The following PPAT variants were observed in gnomAD, a reference collection of about 807,000 sequenced individuals.
PPAT encodes amidophosphoribosyltransferase.
A neutral mutation model predicts 60.2 loss-of-function variants in PPAT; 20 were observed. The ratio of observed to expected loss-of-function variants is 0.33; its 90% CI spans 0.23 to 0.48. The LOEUF (loss-of-function observed/expected upper bound fraction) is 0.48, where lower values mean the gene tolerates loss of function less well. Among genes scored for constraint, PPAT ranks in the 20% least tolerant of loss-of-function variants. The pLI is 0.99. For missense variants in PPAT, 349 were observed against 629.6 expected, an observed-to-expected ratio of 0.55 and a Z score of 4.77; for synonymous variants, 194 against 215.1, an observed-to-expected ratio of 0.90 and a Z score of 0.86.
chr4:56,410,727 G>T (rs1716409830), intron 1 of PPAT: 4 of 986,592 alleles, frequency 4.1e-6, no homozygotes, highest in Non-Finnish European at 4.8e-6. Flanking sequence ...TATGAATATA[G>T]AACAGTTAAA....
At chr4:56,407,356 T>C (rs1716267420) in intron 2 of PPAT, among the ~76,000 whole-genome samples, 2 of 152,030 alleles carry the variant, frequency 1.3e-5, no homozygotes, top group Admixed American at 1.3e-4. Flanking sequence ...TTCACTCTTG[T>C]TGCCCAGGCT....
chr4:56,407,175 C>T (rs1469961070), intron 2 of PPAT, among the ~76,000 whole-genome samples: 2 of 152,122 alleles, frequency 1.3e-5, no homozygotes, highest in Non-Finnish European at 2.9e-5. Flanking sequence ...GAAATACATC[C>T]TAATTTGACA....
intron 1 of PPAT, chr4:56,414,245 TG>T (rs1249375021): frequency 6.6e-6 from 1 of 152,222 alleles, no homozygotes; most frequent in African/African-American, 2.4e-5. Flanking sequence ...TTTTTATTGG[TG>T]TGTGATACAC....
intron 1 of PPAT, among the ~76,000 whole-genome samples, chr4:56,413,917 A>C (rs886880324): frequency 6.6e-6 from 1 of 152,198 alleles, no homozygotes; most frequent in Non-Finnish European, 1.5e-5. Flanking sequence ...AAATTAAATA[A>C]ATAATTAACG....
chr4:56,433,398 A>T (rs63349560), intron 1 of PPAT, among the ~76,000 whole-genome samples: 1 of 33,404 alleles, frequency 3.0e-5, no homozygotes, highest in Non-Finnish European at 6.6e-5. Flanking sequence ...GGTATTCATT[A>T]AAAAAAAAAA....
intron 1 of PPAT, among the ~76,000 whole-genome samples, chr4:56,411,696 CCATGGGCAAAG>C (rs1410770112): frequency 6.6e-6 from 1 of 152,148 alleles, no homozygotes; most frequent in African/African-American, 2.4e-5. Context: ...TCTGTGTGTA[CCATGGGCAAAG>C]CACTAAGTTA....
chr4:56,429,047 A>G, intron 1 of PPAT: 1 of 575,912 alleles, frequency 1.7e-6, no homozygotes, highest in Non-Finnish European at 2.2e-6. Context: ...CACAGTGGAA[A>G]CAACTTGTTG....
chr4:56,432,799 A>G (rs1215442117), intron 1 of PPAT, among the ~76,000 whole-genome samples: 2 of 147,486 alleles, frequency 1.4e-5, no homozygotes, highest in Admixed American at 6.9e-5. Context: ...AAAAAAAAAA[A>G]AAAATCAAGA....
Position 56,410,874 on chromosome 4 carries a change from G to A in PPAT, c.129-3158C>T, listed in dbSNP as rs1048822610. ...AGGTACCTGGAAACGCTCAGCCCAAGTACAGCCCCAGAGACCACTGAAGGT... is the reference window on the plus strand; with the variant it reads ...AGGTACCTGGAAACGCTCAGCCCAAATACAGCCCCAGAGACCACTGAAGGT... On this transcript the variant is annotated intron_variant, in intron 1 of 10. Coordinates refer to ENST00000264220, the MANE Select transcript of PPAT (RefSeq NM_002703.5). 4 of 644,362 alleles carry A rather than the reference G, an allele frequency of 6.2e-6. No individual in the cohort carries two copies. In the African/African-American group the frequency reaches 8.1e-5, roughly 13 times the overall value. 39.9% of individuals were successfully genotyped at this position (644,362 alleles called of 1,614,324 possible).
chr4:56,401,503 A>C (rs753558184), intron 6 of PPAT, 22 bp from the exon 7 acceptor site: 6 of 1,567,200 alleles, frequency 3.8e-6, no homozygotes, highest in Non-Finnish European at 4.3e-6. Context: ...ATGTTAAAGA[A>C]AGAAGACTTT....
At chr4:56,417,939 A>G (rs1578128417) in intron 1 of PPAT, among the ~76,000 whole-genome samples, 1 of 150,476 alleles carries the variant, frequency 6.6e-6, no homozygotes, top group Non-Finnish European at 1.5e-5. Flanking sequence ...TCCCAGGTTC[A>G]AGCGATTCTC....
Position 56,396,799 on chromosome 4 carries a change from C to A in PPAT, c.1237-60G>T. 6.7e-7 allele frequency: 1 copy of A among 1,502,392 alleles called. No homozygotes were observed. The allele number at this position is 1,502,392 out of a possible 1,614,324, so 93.1% of individuals were successfully genotyped here. On this transcript the variant is annotated intron_variant, in intron 9 of 10. Coordinates refer to ENST00000264220, the MANE Select transcript of PPAT (RefSeq NM_002703.5). The surrounding 1 kb of genome is among the most constrained non-coding windows in gnomAD (Gnocchi z 4.6). ...GACTATGCAAAATTCTTTCATTGTG[C>A]AAATACAATACAAAATTGTTTTGCA...
chr4:56,406,482 C>T lies in PPAT; in HGVS notation c.402+13G>A. 1.2e-6 allele frequency: 2 copies of T among 1,606,580 alleles called. No individual in the cohort carries two copies. Among genetic ancestry groups the T allele is most frequent in the Non-Finnish European group, 1.7e-6 (2 of 1,175,000 alleles). ...TTTAAAAAGGCCTAGGGAAAACAAA[C>T]AAACAAACGTACCTTTTTCCTTAAT... On this transcript the variant is annotated intron_variant, in intron 3 of 10. Transcript: ENST00000264220.
intron 4 of PPAT, 24 bp from the exon 5 acceptor site, chr4:56,403,209 T>G: frequency 6.3e-7 from 1 of 1,599,682 alleles, no homozygotes; most frequent in Non-Finnish European, 8.6e-7. Context: ...AATAATTGAA[T>G]GAATAACTTC....
chr4:56,419,489 T>C (rs1223308339), intron 1 of PPAT: 1 of 174,248 alleles, frequency 5.7e-6, no homozygotes, highest in Non-Finnish European at 1.1e-5. Flanking sequence ...AGAGAAAAGC[T>C]AAGCTATGAT....
chr4:56,403,607 G>C (rs1716173536), intron 3 of PPAT, among the ~76,000 whole-genome samples: 1 of 152,050 alleles, frequency 6.6e-6, no homozygotes, highest in Non-Finnish European at 1.5e-5. Flanking sequence ...CAGGGACAGG[G>C]GATGATTTGG....
At chr4:56,418,354 CT>C (rs1447543575) in intron 1 of PPAT, among the ~76,000 whole-genome samples, 1 of 152,006 alleles carries the variant, frequency 6.6e-6, no homozygotes, top group Admixed American at 6.6e-5. Flanking sequence ...GGGTCTCACT[CT>C]TTTGCCCAAG....
At position 56,394,332 on chromosome 4, in the gene PPAT, T is replaced by G. The variant is rs1446762071; in HGVS notation, c.*1020A>C. The G allele has an allele frequency of 6.6e-6, 1 of 152,188 alleles. No individual in the cohort carries two copies. The highest frequency in any genetic ancestry group is 2.4e-5 in the African/African-American group (1 of 41,460). 9.4% of individuals were successfully genotyped at this position (152,188 alleles called of 1,614,324 possible). ...CCCTATTGTGTCTGTACTTGATCAC[T>G]TAATTGCAATAATATTTATGTGTAT... is the stretch of plus-strand genomic sequence containing the variant. On this transcript the variant is annotated 3_prime_UTR_variant, in exon 11 of 11. Transcript: ENST00000264220.
chr4:56,407,335 T>G (rs1166467109), intron 2 of PPAT, among the ~76,000 whole-genome samples: 2 of 151,938 alleles, frequency 1.3e-5, no homozygotes, highest in African/African-American at 4.8e-5. Context: ...TTTTTTTTTT[T>G]GAGATGGAGT....
Sources: allele counts gnomAD v4.1 joint callset (sites outside exome capture counted in the v4.1 genomes callset), GRCh38; gene constraint gnomAD v4.1.1; non-coding constraint Gnocchi (gnomAD v3.1); transcripts MANE v1.5; gene names NCBI Gene and HGNC (gene_info 2026-07-23, HGNC 2026-07-21).